Variants in NDST4 observed in about 807,000 individuals in gnomAD.
NDST4 encodes N-heparan sulfate sulfotransferase 4.
NDST4 carries 63 observed loss-of-function variants against 100.8 expected under a neutral mutation model. That is an observed-to-expected ratio of 0.62 (90% CI 0.51 to 0.77). NDST4 has a LOEUF of 0.77. NDST4 is among the 30% of genes least tolerant of loss of function. The pLI, the probability that NDST4 is intolerant of heterozygous loss-of-function variation, is 0.00. For missense variants in NDST4, 943 were observed against 1,018.4 expected, an observed-to-expected ratio of 0.93 and a Z score of 1.01; for synonymous variants, 377 against 361.8, an observed-to-expected ratio of 1.04 and a Z score of -0.48.
intron 13 of NDST4, among the ~76,000 whole-genome samples, chr4:114,829,320 T>C (rs1338762930): frequency 3.3e-5 from 5 of 151,486 alleles, no homozygotes; most frequent in African/African-American, 9.8e-5. Flanking sequence ...CTAATACAAA[T>C]CAGTGGATAT....
intron 2 of NDST4, among the ~76,000 whole-genome samples, chr4:115,002,592 T>C (rs1727317658): frequency 1.3e-5 from 2 of 152,302 alleles, no homozygotes; most frequent in South Asian, 2.1e-4. Context: ...CTGAATCGTA[T>C]TGCCTAGGTG....
intron 2 of NDST4, among the ~76,000 whole-genome samples, chr4:115,005,692 G>A (rs79238176): frequency 0.021 from 3,201 of 152,222 alleles, 119 homozygotes; most frequent in African/African-American, 0.074. Context: ...AGGCATCCTA[G>A]AGGTGGTGAC....
chr4:114,889,789 A>T (rs140979372), intron 6 of NDST4, among the ~76,000 whole-genome samples: 33 of 152,302 alleles, frequency 2.2e-4, no homozygotes, highest in African/African-American at 6.0e-4. Context: ...TTCGGGCTTC[A>T]TCGTTTTCTA....
chr4:115,109,206 A>G (rs1227644755), intron 1 of NDST4, among the ~76,000 whole-genome samples: 1 of 151,922 alleles, frequency 6.6e-6, no homozygotes, highest in Non-Finnish European at 1.5e-5. Context: ...AAAGAGATTA[A>G]GGAAGCATTT....
rs186462968 is a variant in NDST4, at chr4:114,973,903, C to G, written c.1066+3284G>C. 2.0e-5 allele frequency among the ~76,000 whole-genome samples: 3 copies of G among 151,828 alleles called. No individual in the cohort carries two copies. The East Asian group carries it at 5.8e-4, about 29-fold the overall frequency. On this transcript the variant is annotated intron_variant, in intron 3 of 13. Coordinates refer to ENST00000264363, the MANE Select transcript of NDST4 (RefSeq NM_022569.3). ...TCCATATATGTGGGGATAGAATAAA[C>G]TACTTTTTAATATTATACTAAATAT... is the stretch of plus-strand genomic sequence containing the variant.
chr4:115,074,172 A>C (rs1291455942), intron 2 of NDST4, among the ~76,000 whole-genome samples: 3 of 151,946 alleles, frequency 2.0e-5, no homozygotes, highest in Non-Finnish European at 4.4e-5. Flanking sequence ...AGCCTTTGTT[A>C]AATTATTGTA....
intron 4 of NDST4, among the ~76,000 whole-genome samples, chr4:114,942,051 G>C (rs1033897080): frequency 6.6e-6 from 1 of 152,182 alleles, no homozygotes; most frequent in African/African-American, 2.4e-5. Context: ...TAGTAAATAT[G>C]TATTTTTCTA....
chr4:115,019,250 A>G (rs1333590842), intron 2 of NDST4, among the ~76,000 whole-genome samples: 1 of 152,094 alleles, frequency 6.6e-6, no homozygotes, highest in Non-Finnish European at 1.5e-5. Context: ...TGTCCCCCCA[A>G]AACAAAATAT....
chr4:114,866,445 G>A (rs1241317252), intron 7 of NDST4, among the ~76,000 whole-genome samples: 5 of 152,136 alleles, frequency 3.3e-5, no homozygotes, highest in East Asian at 1.9e-4. Flanking sequence ...AAAGCTTCCC[G>A]CACTGACTTG....
intron 1 of NDST4, among the ~76,000 whole-genome samples, chr4:115,096,754 C>A (rs951551712): frequency 4.6e-5 from 7 of 152,010 alleles, no homozygotes; most frequent in African/African-American, 1.7e-4. Context: ...TATCATGATT[C>A]ACTTACTTCA....
At chr4:115,052,221 T>A (rs1023982576) in intron 2 of NDST4, among the ~76,000 whole-genome samples, 1 of 152,188 alleles carries the variant, frequency 6.6e-6, no homozygotes, top group Non-Finnish European at 1.5e-5. Flanking sequence ...TTCATCGGAA[T>A]TTCTTTTAAA....
rs559773377 is a variant in NDST4 at position 115,070,091 on chromosome 4, A to G, written c.978+5968T>C. Among the ~76,000 whole-genome samples, 10 of 152,338 alleles carry G rather than the reference A, an allele frequency of 6.6e-5. No individual in the cohort carries two copies. In the East Asian group the frequency reaches 1.2e-3, roughly 18 times the overall value. On this transcript the variant is annotated intron_variant, in intron 2 of 13. Transcript: ENST00000264363. ...ACTGTATATATACCCAAAGGAATAT[A>G]CATCATTTTATTACAAAGACACATA...
At chr4:115,008,329 G>T (rs1578448822) in intron 2 of NDST4, among the ~76,000 whole-genome samples, 1 of 129,094 alleles carries the variant, frequency 7.7e-6, no homozygotes, top group Middle Eastern at 4.3e-3. Flanking sequence ...GCATGATTTT[G>T]CAGTGGCTGG....
intron 5 of NDST4, among the ~76,000 whole-genome samples, chr4:114,937,011 CCTAGG>C (rs1409046805): frequency 6.6e-6 from 1 of 152,066 alleles, no homozygotes; most frequent in Non-Finnish European, 1.5e-5. Context: ...TGAGAAATTT[CCTAGG>C]AAAAGTATGG....
intron 2 of NDST4, among the ~76,000 whole-genome samples, chr4:114,998,921 T>A (rs1727222669): frequency 1.3e-5 from 2 of 152,034 alleles, no homozygotes; most frequent in African/African-American, 4.8e-5. Flanking sequence ...TTTCCCCCTA[T>A]TGTGTGGCCT....
chr4:115,027,070 T>G (rs766919530), intron 2 of NDST4, among the ~76,000 whole-genome samples: 3 of 152,144 alleles, frequency 2.0e-5, no homozygotes, highest in Non-Finnish European at 4.4e-5. Context: ...ACCTTATCTA[T>G]TGGAGTGTTC....
At chr4:115,078,723 C>A (rs1380988257) in intron 1 of NDST4, among the ~76,000 whole-genome samples, 1 of 151,988 alleles carries the variant, frequency 6.6e-6, no homozygotes, top group East Asian at 1.9e-4. Context: ...TGCCTGTAAT[C>A]CCAACTACTC....
chr4:115,034,400 T>C lies in NDST4; in HGVS notation c.978+41659A>G, dbSNP rs149273746. On this transcript the variant is annotated intron_variant, in intron 2 of 13. Coordinates refer to ENST00000264363, the MANE Select transcript of NDST4 (RefSeq NM_022569.3). ...TCTGTCAGTGTCAGGAATTGTGTGT[T>C]TGACTATCCTCACAAACTTAGGGGC... 1.9e-3 allele frequency among the ~76,000 whole-genome samples: 288 copies of C among 152,142 alleles called. 1 individual carries two copies. The highest frequency in any genetic ancestry group is 6.7e-3 in the African/African-American group (280 of 41,528).
intron 9 of NDST4, among the ~76,000 whole-genome samples, chr4:114,846,546 T>C (rs1421424232): frequency 2.6e-5 from 4 of 152,314 alleles, no homozygotes; most frequent in Admixed American, 2.6e-4. Context: ...CTTTATAGTC[T>C]ATCTAGAGTA....
Sources: gnomAD v4.1 joint callset for allele counts (sites outside exome capture counted in the v4.1 genomes callset) on GRCh38, gnomAD v4.1.1 for gene constraint, MANE v1.5 for transcripts, NCBI Gene and HGNC (gene_info 2026-07-23, HGNC 2026-07-21) for gene names.